ANKRD60: variants seen among roughly 807,000 people sequenced by gnomAD.
The protein encoded by ANKRD60 is ankyrin repeat domain 60.
In ANKRD60, 24 loss-of-function variants were observed where a neutral mutation model predicts 21.3. That is an observed-to-expected ratio of 1.13 (90% CI 0.82 to 1.59). The LOEUF is 1.59. ANKRD60 is among the 40% of genes most tolerant of loss of function. The pLI, the probability that ANKRD60 is intolerant of heterozygous loss-of-function variation, is 0.00. For missense variants in ANKRD60, 490 were observed against 466.7 expected (o/e 1.05, Z -0.46); for synonymous variants, 182 against 199.4 (o/e 0.91, Z 0.74).
chr20:58,228,496 A>T lies in ANKRD60; in HGVS notation c.158T>A (p.Val53Glu), dbSNP rs371805208. The T allele has an allele frequency of 9.7e-4, 1,405 of 1,452,626 alleles. 1 individual carries two copies. The highest frequency in any genetic ancestry group is 1.1e-3 in the Non-Finnish European group (1,271 of 1,112,026). The allele number at this position is 1,452,626 out of a possible 1,614,324, so 90.0% of individuals were successfully genotyped here. The change falls in exon 1 of 4, where the codon GTG becomes GAG. Residue 53 changes from valine to glutamate, a missense_variant. Transcript: ENST00000457363. The surrounding 1 kb of genome is among the most constrained non-coding windows in gnomAD (Gnocchi z 5.3). Reference sequence around the variant, plus strand: ...GAGGGCCCGCGAGTCCGCCGAGCCCACCCTGGGCCCGCCGCACCCCTGAGC... The same window carrying T: ...GAGGGCCCGCGAGTCCGCCGAGCCCTCCCTGGGCCCGCCGCACCCCTGAGC...
intron 1 of ANKRD60, among the ~76,000 whole-genome samples, chr20:58,225,306 A>G (rs1174940751): frequency 6.6e-6 from 1 of 152,200 alleles, no homozygotes; most frequent in East Asian, 1.9e-4. Flanking sequence ...TTGAGGATAC[A>G]TAATTTTCAA....
rs1245248295 is a variant in ANKRD60 at position 58,221,536 on chromosome 20, C to T, written c.562-33G>A. ...AGACAAGAGGAGTTTGAGTTATTCT[C>T]AAAAGCGTGGCTACATTTTGCTGGA... is the stretch of plus-strand genomic sequence containing the variant. On this transcript the variant is annotated intron_variant, in intron 2 of 3. Coordinates refer to ENST00000457363, the Ensembl canonical transcript of ANKRD60. 5.2e-6 allele frequency: 8 copies of T among 1,546,692 alleles called. 1 individual carries two copies. In the South Asian group the frequency reaches 8.4e-5, roughly 16 times the overall value.
intron 3 of ANKRD60, among the ~76,000 whole-genome samples, chr20:58,220,581 G>C (rs1481163076): frequency 6.6e-6 from 1 of 151,656 alleles, no homozygotes; most frequent in Non-Finnish European, 1.5e-5. Context: ...TGAATGTCTT[G>C]TGAGAAAATA....
chr20:58,225,901 G>A (rs1310248236), intron 1 of ANKRD60, among the ~76,000 whole-genome samples: 1 of 152,174 alleles, frequency 6.6e-6, no homozygotes, highest in Non-Finnish European at 1.5e-5. Flanking sequence ...ATCGGGATAG[G>A]GAAAGCCACG....
chr20:58,220,683 A>AGTGTGTGTGTGTGT (rs36015489), intron 3 of ANKRD60, among the ~76,000 whole-genome samples: 6 of 148,510 alleles, frequency 4.0e-5, no homozygotes, highest in African/African-American at 1.5e-4. Context: ...GGTTTTTTCT[A>AGTGTGTGTGTGTGT]GTGTGTGTGT....
intron 3 of ANKRD60, among the ~76,000 whole-genome samples, chr20:58,220,633 C>T (rs1311636296): frequency 6.6e-6 from 1 of 151,906 alleles, no homozygotes; most frequent in African/African-American, 2.4e-5. Flanking sequence ...TCCTGCCATC[C>T]ACCACAGAGC....
downstream of ANKRD60, among the ~76,000 whole-genome samples, chr20:58,217,294 T>C (rs917584035): frequency 4.6e-5 from 7 of 152,080 alleles, no homozygotes; most frequent in African/African-American, 1.7e-4. Flanking sequence ...CCAGGCATGG[T>C]GGCAGGTGCC....
chr20:58,228,304 G>A lies in ANKRD60; in HGVS notation c.350C>T (p.Thr117Ile), dbSNP rs1171123959. 5.2e-6 allele frequency: 8 copies of A among 1,551,236 alleles called. No individual in the cohort carries two copies. The highest frequency in any genetic ancestry group is 6.1e-6 in the Non-Finnish European group (7 of 1,146,902). ...CAGCTCCTCTTTGAGCTCCCGCACG[G>A]TCATGTCGCCGCGGCAGTTTGCCAC... Residue 117 changes from threonine to isoleucine, a missense_variant, in exon 1 of 4, where the codon ACC (threonine) becomes ATC (isoleucine). Thr to Ile is a moderately conservative substitution (Grantham distance 89). Transcript: ENST00000457363. The surrounding 1 kb of genome is among the most constrained non-coding windows in gnomAD (Gnocchi z 5.3).
In ANKRD60 at chr20:58,228,205, G is replaced by A; in HGVS notation, c.430+19C>T. On this transcript the variant is annotated intron_variant, in intron 1 of 3. Transcript: ENST00000457363. The surrounding 1 kb of genome is among the most constrained non-coding windows in gnomAD (Gnocchi z 5.3). ...GTGCCCTTGCATGTGGCCAGGGAAG[G>A]AGTCAGGGCAGGAGCCACCTTCGTC... 1 of 1,534,236 alleles carries A rather than the reference G, an allele frequency of 6.5e-7. No homozygotes were observed. Among genetic ancestry groups the A allele is most frequent in the Non-Finnish European group, 8.8e-7 (1 of 1,136,196 alleles).
chr20:58,218,703 G>T, exon 4 of ANKRD60: 1 of 1,551,706 alleles, frequency 6.4e-7, no homozygotes. Flanking sequence ...GTGGATGGAG[G>T]CCCCGTGCTG....
At chr20:58,217,377 C>T (rs545208421), downstream of ANKRD60, among the ~76,000 whole-genome samples, 33 of 151,720 alleles carry the variant, frequency 2.2e-4, no homozygotes, top group African/African-American at 6.8e-4. Flanking sequence ...TGCAGTGAGC[C>T]GAGATGGCAC....
chr20:58,218,310 C>T (rs1984173064), downstream of ANKRD60, among the ~76,000 whole-genome samples: 2 of 152,140 alleles, frequency 1.3e-5, no homozygotes, highest in Non-Finnish European at 2.9e-5. Context: ...ACTAAATGAG[C>T]ACAGGCTTAC....
downstream of ANKRD60, chr20:58,218,473 G>T: frequency 6.5e-7 from 1 of 1,537,636 alleles, no homozygotes; most frequent in Non-Finnish European, 8.8e-7. Flanking sequence ...CAGCCTCAGC[G>T]GGCAAACGTT....
chr20:58,221,053 T>A (rs1984240712), intron 3 of ANKRD60, among the ~76,000 whole-genome samples: 1 of 152,180 alleles, frequency 6.6e-6, no homozygotes. Flanking sequence ...AGGGATCCTT[T>A]ATAGCTGCCG....
intron 3 of ANKRD60, among the ~76,000 whole-genome samples, chr20:58,220,880 G>A (rs879803597): frequency 6.6e-6 from 1 of 152,040 alleles, no homozygotes; most frequent in Non-Finnish European, 1.5e-5. Context: ...TGATCTGCCC[G>A]CCTCAGCCTT....
chr20:58,227,026 C>CT (rs1984378698), intron 1 of ANKRD60, among the ~76,000 whole-genome samples: 1 of 152,082 alleles, frequency 6.6e-6, no homozygotes, highest in African/African-American at 2.4e-5. Flanking sequence ...GGGTTTGAGG[C>CT]TGAAACATGG....
chr20:58,218,771 C>G, exon 4 of ANKRD60: 2 of 1,550,110 alleles, frequency 1.3e-6, no homozygotes, highest in Non-Finnish European at 1.7e-6. Flanking sequence ...GCAGGGGTGT[C>G]CTGCCCAGGG....
intron 1 of ANKRD60, 69 bp from the exon 2 acceptor site, chr20:58,223,251 TAAGAG>T (rs1984299968): frequency 1.5e-6 from 2 of 1,319,314 alleles, no homozygotes; most frequent in Admixed American, 5.2e-5. Context: ...TTGGTTAAGT[TAAGAG>T]ATTATCTGAC....
chr20:58,217,708 G>A (rs1338117226), downstream of ANKRD60, among the ~76,000 whole-genome samples: 1 of 152,108 alleles, frequency 6.6e-6, no homozygotes, highest in Non-Finnish European at 1.5e-5. Flanking sequence ...GTTGAGCATA[G>A]ACACTCCAAG....
Sources: allele counts gnomAD v4.1 joint callset (sites outside exome capture counted in the v4.1 genomes callset), GRCh38; gene constraint gnomAD v4.1.1; non-coding constraint Gnocchi (gnomAD v3.1); transcripts MANE v1.5; gene names NCBI Gene and HGNC (gene_info 2026-07-23, HGNC 2026-07-21).